The following GAS7 variants were observed in gnomAD, a reference collection of about 807,000 sequenced individuals.
The protein encoded by GAS7 is growth arrest specific 7, also known as growth arrest-specific protein 7.
GAS7 carries 28 observed loss-of-function variants against 71.1 expected under a neutral mutation model. That is an observed-to-expected ratio of 0.39 (90% CI 0.29 to 0.54). The LOEUF (loss-of-function observed/expected upper bound fraction) is 0.54. GAS7 is among the 20% of genes least tolerant of loss of function. The pLI is 0.62. For synonymous variants in GAS7, 258 were observed against 245.8 expected, an observed-to-expected ratio of 1.05 and a Z score of -0.46; for missense variants, 436 against 627.8, an observed-to-expected ratio of 0.69 and a Z score of 3.27.
At chr17:10,121,926 C>T (rs1006318026) in intron 1 of GAS7, among the ~76,000 whole-genome samples, 1 of 152,164 alleles carries the variant, frequency 6.6e-6, no homozygotes, top group Non-Finnish European at 1.5e-5. Flanking sequence ...GACCAGTTCT[C>T]ATGGGGGACT....
chr17:10,006,565 G>A (rs1435141694), intron 2 of GAS7, among the ~76,000 whole-genome samples: 1 of 151,840 alleles, frequency 6.6e-6, no homozygotes, highest in South Asian at 2.1e-4. Context: ...TCCTGACCTC[G>A]TGATCCACCT....
intron 8 of GAS7, among the ~76,000 whole-genome samples, chr17:9,939,330 C>A (rs578201672): frequency 6.6e-6 from 1 of 152,144 alleles, no homozygotes; most frequent in Non-Finnish European, 1.5e-5. Flanking sequence ...GGTTAAGCTT[C>A]TCCCAGCCCA....
At chr17:9,934,081 C>T (rs775217565) in intron 9 of GAS7, 85 bp downstream of exon 9, 48 of 928,472 alleles carry the variant, frequency 5.2e-5, no homozygotes, top group South Asian at 1.5e-4. Context: ...AAATGGCAAA[C>T]GGCAAACTGG....
intron 3 of GAS7, among the ~76,000 whole-genome samples, chr17:9,979,833 C>T (rs771991288): frequency 2.0e-5 from 3 of 150,964 alleles, no homozygotes; most frequent in South Asian, 2.1e-4. Flanking sequence ...ACACACCTTG[C>T]GTCATTCGCA....
chr17:9,954,748 A>G (rs922482756), intron 5 of GAS7, among the ~76,000 whole-genome samples: 6 of 152,094 alleles, frequency 3.9e-5, no homozygotes, highest in African/African-American at 1.4e-4. Context: ...AATGCACGGG[A>G]CAGCTCCCCA....
chr17:10,074,095 G>A (rs967193285), intron 1 of GAS7, among the ~76,000 whole-genome samples: 2 of 152,202 alleles, frequency 1.3e-5, no homozygotes, highest in African/African-American at 2.4e-5. Context: ...ACGCAGCAGT[G>A]TGATGGACGT....
At chr17:10,056,947 G>A (rs1453883367) in intron 1 of GAS7, among the ~76,000 whole-genome samples, 1 of 151,940 alleles carries the variant, frequency 6.6e-6, no homozygotes, top group East Asian at 1.9e-4. Flanking sequence ...GCGCCACCAC[G>A]CCTGACTGGT....
intron 2 of GAS7, among the ~76,000 whole-genome samples, chr17:10,018,763 T>C (rs147545680): frequency 7.9e-5 from 12 of 152,004 alleles, no homozygotes; most frequent in Non-Finnish European, 1.8e-4. Context: ...ACATCAGCTG[T>C]AGTAACGATA....
At position 9,959,407 on chromosome 17, in the gene GAS7, G is replaced by A. The variant is rs945126590; in HGVS notation, c.472-152C>T. On this transcript the variant is annotated intron_variant, in intron 4 of 13. Transcript: ENST00000432992. The surrounding 1 kb of genome is among the most constrained non-coding windows in gnomAD (Gnocchi z 5.0). Reference sequence around the variant, plus strand: ...CCATATTCTGGGCCAGGGCAAGCAGGGGTCTCCCTGACCCCACGCTGTTCC... The same window carrying A: ...CCATATTCTGGGCCAGGGCAAGCAGAGGTCTCCCTGACCCCACGCTGTTCC... 15 of 1,484,464 alleles carry A rather than the reference G, an allele frequency of 1.0e-5. No individual in the cohort carries two copies. The African/African-American group carries it at 2.0e-4, about 19-fold the overall frequency. 92.0% of individuals were successfully genotyped at this position (1,484,464 alleles called of 1,614,324 possible). A position where few individuals can be genotyped will look rare whatever the true frequency, so the allele number is the denominator to read the frequency against.
At chr17:9,979,800 C>T (rs1419082923) in intron 3 of GAS7, among the ~76,000 whole-genome samples, 3 of 151,910 alleles carry the variant, frequency 2.0e-5, no homozygotes, top group Non-Finnish European at 4.4e-5. Context: ...GTCTGGCTGG[C>T]CTGGAGCCAG....
intron 1 of GAS7, among the ~76,000 whole-genome samples, chr17:10,049,257 C>T (rs2073027326): frequency 6.6e-6 from 1 of 152,206 alleles, no homozygotes; most frequent in African/African-American, 2.4e-5. Context: ...GTTAAAAACT[C>T]ATATTGAATG....
intron 1 of GAS7, among the ~76,000 whole-genome samples, chr17:10,135,653 G>A (rs185978600): frequency 4.4e-4 from 67 of 152,244 alleles, no homozygotes; most frequent in African/African-American, 1.5e-3. Flanking sequence ...AGGGCACAAT[G>A]CCTTCTTTTT....
chr17:9,982,866 A>AAAGAAAGAAAGC (rs1173313108), intron 2 of GAS7, among the ~76,000 whole-genome samples: 109 of 144,638 alleles, frequency 7.5e-4, no homozygotes, highest in Non-Finnish European at 1.1e-3. Flanking sequence ...AGAAAGAAAG[A>AAAGAAAGAAAGC]AAGCAAAGAA....
chr17:10,175,942 C>T (rs2074371369), intron 1 of GAS7, among the ~76,000 whole-genome samples: 1 of 152,228 alleles, frequency 6.6e-6, no homozygotes, highest in South Asian at 2.1e-4. Context: ...ACAGCCCTGA[C>T]TGTCCCCTGG....
chr17:10,134,293 AG>A (rs1215055635), intron 1 of GAS7, among the ~76,000 whole-genome samples: 2 of 152,068 alleles, frequency 1.3e-5, no homozygotes, highest in Admixed American at 6.6e-5. Flanking sequence ...GGCCTCCCAA[AG>A]TGCTGGGATT....
At chr17:10,046,865 AGAAAAGAAAAG>A (rs980188347) in intron 1 of GAS7, among the ~76,000 whole-genome samples, 10 of 129,040 alleles carry the variant, frequency 7.7e-5, no homozygotes, top group Non-Finnish European at 1.1e-4. Flanking sequence ...AAAAGAAAAA[AGAAAAGAAAAG>A]GAAAAGAAAA....
chr17:9,923,225 A>G (rs1011877755), intron 11 of GAS7, among the ~76,000 whole-genome samples: 12 of 150,734 alleles, frequency 8.0e-5, no homozygotes, highest in African/African-American at 2.9e-4. Flanking sequence ...TTTAAAAACA[A>G]AAACAAAAAT....
chr17:10,039,206 T>C (rs934084148), intron 1 of GAS7, among the ~76,000 whole-genome samples: 1 of 147,968 alleles, frequency 6.8e-6, no homozygotes, highest in African/African-American at 2.6e-5. Flanking sequence ...GGATTTCATG[T>C]CATGCATATT....
intron 1 of GAS7, among the ~76,000 whole-genome samples, chr17:10,134,274 G>A (rs1462908861): frequency 2.0e-5 from 3 of 151,988 alleles, no homozygotes; most frequent in South Asian, 4.2e-4. Flanking sequence ...CTCATGATCC[G>A]CCCGCCTCGG....
Sources: allele counts gnomAD v4.1 joint callset (sites outside exome capture counted in the v4.1 genomes callset), GRCh38; gene constraint gnomAD v4.1.1; non-coding constraint Gnocchi (gnomAD v3.1); transcripts MANE v1.5; gene names NCBI Gene and HGNC (gene_info 2026-07-23, HGNC 2026-07-21).